SWAP70: variants seen among roughly 807,000 people sequenced by gnomAD.
SWAP70 encodes switching B cell complex subunit SWAP70.
SWAP70 carries 34 observed loss-of-function variants against 80.2 expected under a neutral mutation model. That is an observed-to-expected ratio of 0.42 (90% confidence interval 0.32 to 0.56). The LOEUF is 0.56. SWAP70 is among the 20% of genes least tolerant of loss of function. The pLI is 0.09. For synonymous variants in SWAP70, 239 were observed against 238.5 expected (o/e 1.00, Z -0.02); for missense variants, 578 against 690.7 (o/e 0.84, Z 1.83).
At chr11:9,689,714 C>T (rs1046511962) in intron 1 of SWAP70, among the ~76,000 whole-genome samples, 1 of 152,170 alleles carries the variant, frequency 6.6e-6, no homozygotes, top group Non-Finnish European at 1.5e-5. Context: ...GGGGTTAGTG[C>T]CTCTTAGTGC....
chr11:9,752,908 T>A lies in SWAP70; in HGVS notation c.*2938T>A, dbSNP rs549472943. 1 of 152,336 alleles carries A rather than the reference T, an allele frequency of 6.6e-6. No individual in the cohort carries two copies. The highest frequency in any genetic ancestry group is 2.1e-4 in the South Asian group (1 of 4,820). 9.4% of individuals were successfully genotyped at this position (152,336 alleles called of 1,614,324 possible). A position where few individuals can be genotyped will look rare whatever the true frequency, so the allele number is the denominator to read the frequency against. ...ATTAAAAATGTTTTATATTTTTTTTTAAGTAAAATGGACCCAGTAAGAAAA... is the reference window on the plus strand; with the variant it reads ...ATTAAAAATGTTTTATATTTTTTTTAAAGTAAAATGGACCCAGTAAGAAAA... On this transcript the variant is annotated 3_prime_UTR_variant, in exon 12 of 12. Coordinates refer to ENST00000318950, the MANE Select transcript of SWAP70 (RefSeq NM_015055.4).
At chr11:9,714,881 C>T (rs4910495) in intron 3 of SWAP70, among the ~76,000 whole-genome samples, 51,310 of 146,046 alleles carry the variant, frequency 0.35, 9,304 homozygotes, top group African/African-American at 0.41. Context: ...GGCGCAATCT[C>T]GGCTTATTGC....
At chr11:9,738,746 A>C (rs1420185089) in intron 8 of SWAP70, among the ~76,000 whole-genome samples, 1 of 151,264 alleles carries the variant, frequency 6.6e-6, no homozygotes, top group Non-Finnish European at 1.5e-5. Flanking sequence ...CTGTAGTTCC[A>C]GCTACTTAGG....
At chr11:9,691,122 T>A (rs1850692721) in intron 1 of SWAP70, among the ~76,000 whole-genome samples, 1 of 152,214 alleles carries the variant, frequency 6.6e-6, no homozygotes, top group African/African-American at 2.4e-5. Flanking sequence ...TTTGCCATGT[T>A]GTCCAGGTTG....
chr11:9,730,354 T>C (rs1413652207), intron 6 of SWAP70, among the ~76,000 whole-genome samples: 1 of 151,450 alleles, frequency 6.6e-6, no homozygotes, highest in Admixed American at 6.6e-5. Context: ...AAAGAACATG[T>C]ATTTTATGTT....
chr11:9,710,792 G>T (rs1314887427), intron 2 of SWAP70, among the ~76,000 whole-genome samples: 2 of 151,040 alleles, frequency 1.3e-5, no homozygotes, highest in Non-Finnish European at 2.9e-5. Flanking sequence ...CAATCCTTCT[G>T]CCTGACCTTC....
intron 3 of SWAP70, among the ~76,000 whole-genome samples, chr11:9,717,099 C>G (rs1851076179): frequency 1.3e-5 from 2 of 152,092 alleles, no homozygotes; most frequent in African/African-American, 4.8e-5. Flanking sequence ...CGCTGGTGAT[C>G]AAGGAGAAGG....
chr11:9,738,188 T>G (rs1003725215), intron 7 of SWAP70, 25 bp from the exon 8 acceptor site: 1 of 1,571,964 alleles, frequency 6.4e-7, no homozygotes. Context: ...CCTGCTTTTC[T>G]GTGGATGGGT....
chr11:9,742,085 A>G (rs1029435259), intron 9 of SWAP70: 2 of 152,006 alleles, frequency 1.3e-5, no homozygotes, highest in Admixed American at 1.3e-4. Context: ...AAAAAAACAC[A>G]AAACAACAAC....
chr11:9,725,551 A>ATTTTT (rs1851203899), intron 4 of SWAP70, among the ~76,000 whole-genome samples: 1 of 55,228 alleles, frequency 1.8e-5, no homozygotes, highest in African/African-American at 8.1e-5. Context: ...ATATATATAT[A>ATTTTT]TATATATATA....
At chr11:9,723,771 CTTTTTT>C (rs34551025) in intron 3 of SWAP70, among the ~76,000 whole-genome samples, 31 of 124,606 alleles carry the variant, frequency 2.5e-4, no homozygotes, top group African/African-American at 8.5e-4. Flanking sequence ...TCCTTCTTTA[CTTTTTT>C]TTTTTTTTTT....
chr11:9,725,860 G>A (rs1033431160), intron 4 of SWAP70, among the ~76,000 whole-genome samples: 2 of 103,456 alleles, frequency 1.9e-5, no homozygotes, highest in South Asian at 2.7e-4. Context: ...GTGAACCGCC[G>A]CGCCCAGGCC....
At chr11:9,727,313 A>G (rs2454611) in intron 4 of SWAP70, among the ~76,000 whole-genome samples, 49,755 of 152,016 alleles carry the variant, frequency 0.33, 8,376 homozygotes, top group Non-Finnish European at 0.35. Flanking sequence ...ATTTGAACCT[A>G]GGAGGCAGAG....
At chr11:9,692,031 C>G (rs1258059832) in intron 1 of SWAP70, among the ~76,000 whole-genome samples, 1 of 152,126 alleles carries the variant, frequency 6.6e-6, no homozygotes, top group African/African-American at 2.4e-5. Context: ...GTAACACATA[C>G]TATTTCTCCT....
intron 1 of SWAP70, among the ~76,000 whole-genome samples, chr11:9,677,778 A>G (rs780132077): frequency 6.6e-6 from 1 of 152,210 alleles, no homozygotes; most frequent in Non-Finnish European, 1.5e-5. Context: ...TTTTTGAAAT[A>G]AAAGAATTTA....
chr11:9,704,341 C>T (rs535004258), intron 2 of SWAP70, among the ~76,000 whole-genome samples: 4 of 150,732 alleles, frequency 2.7e-5, no homozygotes, highest in East Asian at 1.9e-4. Context: ...CTGCATTAGG[C>T]AAGGAAAGAG....
intron 2 of SWAP70, among the ~76,000 whole-genome samples, chr11:9,708,568 C>T (rs986199121): frequency 1.3e-5 from 2 of 152,178 alleles, no homozygotes; most frequent in African/African-American, 4.8e-5. Context: ...TTCCTACAGG[C>T]TATTTCTTAA....
chr11:9,701,176 C>CTTT (rs879529806), intron 2 of SWAP70, among the ~76,000 whole-genome samples: 1 of 144,430 alleles, frequency 6.9e-6, no homozygotes, highest in Non-Finnish European at 1.5e-5. Context: ...CAAATGTTAA[C>CTTT]TTTTTTTTTT....
chr11:9,721,471 CTTT>C (rs11331062), intron 3 of SWAP70, among the ~76,000 whole-genome samples: 8 of 138,108 alleles, frequency 5.8e-5, no homozygotes, highest in Non-Finnish European at 4.7e-5. Context: ...TTCTTTCTTT[CTTT>C]TTTTTTTTTT....
Sources: allele counts gnomAD v4.1 joint callset (sites outside exome capture counted in the v4.1 genomes callset), GRCh38; gene constraint gnomAD v4.1.1; transcripts MANE v1.5; gene names NCBI Gene and HGNC (gene_info 2026-07-23, HGNC 2026-07-21).